The following TLK1 variants were observed in gnomAD, a reference collection of about 807,000 sequenced individuals.
The protein encoded by TLK1 is serine/threonine-protein kinase tousled-like 1.
TLK1 carries 24 observed loss-of-function variants against 105.3 expected under a neutral mutation model. The ratio of observed to expected loss-of-function variants is 0.23; its 90% CI spans 0.17 to 0.32. The LOEUF is 0.32. Among genes scored for constraint, TLK1 ranks in the 10% least tolerant of loss-of-function variants. The probability of loss-of-function intolerance (pLI) is 1.00; values close to 1 mark genes in which losing one functional copy is unlikely to be tolerated. For missense variants in TLK1, 558 were observed against 910.5 expected, an observed-to-expected ratio of 0.61 and a Z score of 4.98; for synonymous variants, 321 against 310.4, an observed-to-expected ratio of 1.03 and a Z score of -0.36.
intron 1 of TLK1, among the ~76,000 whole-genome samples, chr2:171,130,846 C>CT (rs1431353566): frequency 6.6e-6 from 1 of 152,082 alleles, no homozygotes; most frequent in African/African-American, 2.4e-5. Context: ...ACTTCCAACT[C>CT]TAACGTGCTA....
At chr2:171,086,620 C>A (rs1171066120) in intron 2 of TLK1, among the ~76,000 whole-genome samples, 10 of 142,110 alleles carry the variant, frequency 7.0e-5, no homozygotes, top group Non-Finnish European at 9.1e-5. Context: ...AGCAAGACTC[C>A]GTCTCAAAAA....
chr2:171,205,710 C>A (rs1443157119), intron 1 of TLK1, among the ~76,000 whole-genome samples: 1 of 152,132 alleles, frequency 6.6e-6, no homozygotes, highest in South Asian at 2.1e-4. Flanking sequence ...GGGTGGAGAG[C>A]GGCATGTTCA....
At chr2:171,230,388 T>C (rs1033865803) in intron 1 of TLK1, among the ~76,000 whole-genome samples, 1 of 152,220 alleles carries the variant, frequency 6.6e-6, no homozygotes, top group African/African-American at 2.4e-5. Context: ...CATAAGACTT[T>C]TAAGACTTGC....
intron 10 of TLK1, among the ~76,000 whole-genome samples, chr2:171,048,059 G>A (rs907972273): frequency 6.6e-6 from 1 of 151,948 alleles, no homozygotes; most frequent in Non-Finnish European, 1.5e-5. Context: ...AGCAATTCTC[G>A]TGCCTCAGCC....
intron 1 of TLK1, among the ~76,000 whole-genome samples, chr2:171,125,353 G>A (rs1690824549): frequency 6.6e-6 from 1 of 152,096 alleles, no homozygotes; most frequent in South Asian, 2.1e-4. Context: ...TTCATAATAA[G>A]AGCAATGTTT....
intron 3 of TLK1, among the ~76,000 whole-genome samples, chr2:171,072,351 C>T (rs780084365): frequency 9.2e-5 from 14 of 152,310 alleles, no homozygotes; most frequent in Non-Finnish European, 1.5e-4. Context: ...CGGTGGCTCA[C>T]GCCCATAATC....
chr2:170,998,653 A>G (rs1319097522), intron 18 of TLK1, among the ~76,000 whole-genome samples: 1 of 152,260 alleles, frequency 6.6e-6, no homozygotes, highest in Admixed American at 6.5e-5. Flanking sequence ...CAATCACACC[A>G]GACCGTGAGC....
chr2:171,095,930 G>A (rs922163882), intron 2 of TLK1, among the ~76,000 whole-genome samples: 3 of 151,910 alleles, frequency 2.0e-5, no homozygotes, highest in Admixed American at 6.6e-5. Flanking sequence ...ATGAAAAGCT[G>A]GCAGCTTTTC....
At chr2:171,022,098 C>CACAGACACACAG (rs760493142) in intron 12 of TLK1, among the ~76,000 whole-genome samples, 4 of 150,984 alleles carry the variant, frequency 2.6e-5, no homozygotes, top group African/African-American at 9.8e-5. Context: ...CACACACACA[C>CACAGACACACAG]ACACACACAC....
chr2:171,056,401 A>T (rs17283147), intron 6 of TLK1, 70 bp downstream of exon 6: 812,243 of 1,266,550 alleles, frequency 0.64, 268,258 homozygotes, highest in East Asian at 0.94. Context: ...AAAACAACAA[A>T]TTATAAAACT....
Position 170,997,825 on chromosome 2 carries a change from T to A in TLK1, c.1905-2A>T, listed in dbSNP as rs1684136322. 1 of 1,571,518 alleles carries A rather than the reference T, an allele frequency of 6.4e-7. No individual in the cohort carries two copies. Among genetic ancestry groups the A allele is most frequent in the Non-Finnish European group, 8.7e-7 (1 of 1,152,040 alleles). ...ACAAAACACTCAGGAGGTAAATACC[T>A]GTAAGTTTTGTGGGAGAGAAAAAAG... On this transcript the variant is annotated splice_acceptor_variant, in intron 18 of 20. Coordinates refer to ENST00000431350, the MANE Select transcript of TLK1 (RefSeq NM_012290.5). LOFTEE classifies it high-confidence loss of function.
At chr2:171,126,738 T>A (rs894052300) in intron 1 of TLK1, among the ~76,000 whole-genome samples, 3 of 152,026 alleles carry the variant, frequency 2.0e-5, no homozygotes, top group African/African-American at 7.2e-5. Context: ...AAAAATATTT[T>A]AATTCACTCG....
intron 1 of TLK1, among the ~76,000 whole-genome samples, chr2:171,168,592 A>G (rs768192567): frequency 4.6e-5 from 7 of 152,110 alleles, no homozygotes; most frequent in Non-Finnish European, 8.8e-5. Context: ...GAATCACTGA[A>G]TCATAAAAAG....
At chr2:171,000,099 TG>T (rs1045777711) in intron 18 of TLK1, among the ~76,000 whole-genome samples, 1 of 152,084 alleles carries the variant, frequency 6.6e-6, no homozygotes, top group African/African-American at 2.4e-5. Context: ...ATTACTAGGC[TG>T]AGCGTGGTGG....
chr2:171,149,611 A>G (rs1238112905), intron 1 of TLK1, among the ~76,000 whole-genome samples: 1 of 152,146 alleles, frequency 6.6e-6, no homozygotes, highest in African/African-American at 2.4e-5. Context: ...TTGTTTTTTA[A>G]AACTATACAA....
At chr2:171,014,498 C>T (rs1201278568) in intron 13 of TLK1, among the ~76,000 whole-genome samples, 1 of 151,798 alleles carries the variant, frequency 6.6e-6, no homozygotes, top group Non-Finnish European at 1.5e-5. Context: ...CTGGGCCTGG[C>T]TAGGGACTAC....
chr2:171,212,513 C>T (rs1693636581), intron 1 of TLK1, among the ~76,000 whole-genome samples: 2 of 152,080 alleles, frequency 1.3e-5, no homozygotes, highest in African/African-American at 4.8e-5. Flanking sequence ...CGTCCTTTAT[C>T]AATGTCAGTG....
chr2:171,202,630 G>A (rs570483442), intron 1 of TLK1, among the ~76,000 whole-genome samples: 15 of 152,080 alleles, frequency 9.9e-5, no homozygotes, highest in African/African-American at 2.9e-4. Flanking sequence ...GGTGGTGTGC[G>A]CCGGTAGTCC....
At chr2:171,193,151 A>G (rs892865393) in intron 1 of TLK1, among the ~76,000 whole-genome samples, 2 of 152,190 alleles carry the variant, frequency 1.3e-5, no homozygotes, top group African/African-American at 4.8e-5. Context: ...GTAACCACAC[A>G]TTTGGTAAAA....
Sources: gnomAD v4.1 joint callset for allele counts (sites outside exome capture counted in the v4.1 genomes callset) on GRCh38, gnomAD v4.1.1 for gene constraint, MANE v1.5 for transcripts, NCBI Gene and HGNC (gene_info 2026-07-23, HGNC 2026-07-21) for gene names.